The following STK39 variants were observed in gnomAD, a reference collection of about 807,000 sequenced individuals.
STK39 encodes the protein serine/threonine kinase 39.
STK39 carries 20 observed loss-of-function variants against 77.8 expected under a neutral mutation model. The observed-to-expected ratio is 0.26, with a 90% confidence interval of 0.18 to 0.37. STK39 has a LOEUF of 0.37. Ranked by LOEUF, STK39 falls within the 10% of genes least tolerant of loss-of-function variation. The pLI is 1.00. For synonymous variants in STK39, 246 were observed against 234.1 expected, an observed-to-expected ratio of 1.05 and a Z score of -0.47; for missense variants, 479 against 656.5, an observed-to-expected ratio of 0.73 and a Z score of 2.95.
chr2:167,965,956 GAAAA>G (rs1559036634), intron 16 of STK39, among the ~76,000 whole-genome samples: 1 of 152,070 alleles, frequency 6.6e-6, no homozygotes, highest in South Asian at 2.1e-4. Flanking sequence ...CTGCAGAGGA[GAAAA>G]AAGAAAAATT....
At chr2:168,183,320 A>T (rs1444355652) in intron 1 of STK39, among the ~76,000 whole-genome samples, 1 of 152,178 alleles carries the variant, frequency 6.6e-6, no homozygotes, top group African/African-American at 2.4e-5. Context: ...GTTCACTGGG[A>T]AAGAAAATCC....
chr2:168,140,252 A>G (rs775417301), intron 7 of STK39, 37 bp downstream of exon 7: 2 of 1,522,450 alleles, frequency 1.3e-6, no homozygotes, highest in Admixed American at 1.7e-5. Flanking sequence ...GTCCAATCAC[A>G]TTTCAACCCC....
At chr2:168,099,429 C>T (rs1007286423) in intron 10 of STK39, among the ~76,000 whole-genome samples, 1 of 152,110 alleles carries the variant, frequency 6.6e-6, no homozygotes, top group Non-Finnish European at 1.5e-5. Context: ...TTTATGGTCC[C>T]AAGAAGAGTC....
intron 1 of STK39, among the ~76,000 whole-genome samples, chr2:168,214,016 C>T (rs565631182): frequency 6.6e-6 from 1 of 152,184 alleles, no homozygotes; most frequent in South Asian, 2.1e-4. Flanking sequence ...TGGAAAAAGG[C>T]AGGCTCTGAA....
intron 5 of STK39, among the ~76,000 whole-genome samples, chr2:168,157,965 C>A (rs917372527): frequency 1.3e-5 from 2 of 152,072 alleles, no homozygotes; most frequent in African/African-American, 4.8e-5. Context: ...GCAGAAACCA[C>A]CTCAAAGTGA....
intron 12 of STK39, among the ~76,000 whole-genome samples, chr2:168,072,367 T>C (rs181393605): frequency 1.3e-3 from 203 of 152,294 alleles, no homozygotes; most frequent in African/African-American, 4.8e-3. Context: ...TCCTATGTTT[T>C]TCAAATCATT....
chr2:168,162,361 T>G (rs1292660822), intron 4 of STK39, among the ~76,000 whole-genome samples: 1 of 151,216 alleles, frequency 6.6e-6, no homozygotes, highest in African/African-American at 2.4e-5. Context: ...GGGGGAGAGT[T>G]AGGATTTTAG....
chr2:168,064,489 C>G (rs1685744313), intron 13 of STK39, among the ~76,000 whole-genome samples: 1 of 152,152 alleles, frequency 6.6e-6, no homozygotes, highest in Non-Finnish European at 1.5e-5. Flanking sequence ...TTTACTCCCT[C>G]TATATATAAG....
At chr2:167,975,898 C>T (rs191601873) in intron 16 of STK39, among the ~76,000 whole-genome samples, 5 of 152,180 alleles carry the variant, frequency 3.3e-5, no homozygotes, top group East Asian at 1.9e-4. Context: ...AAGGCCCCAT[C>T]GCCTCAAGGC....
chr2:168,007,380 C>G (rs1310691232), intron 16 of STK39, among the ~76,000 whole-genome samples: 4 of 152,142 alleles, frequency 2.6e-5, no homozygotes, highest in Admixed American at 2.6e-4. Flanking sequence ...TTGTTTATCT[C>G]TAACAAATGT....
intron 1 of STK39, among the ~76,000 whole-genome samples, chr2:168,233,660 G>A (rs190920848): frequency 2.2e-4 from 34 of 152,268 alleles, no homozygotes; most frequent in East Asian, 5.8e-4. Flanking sequence ...CAAATTCACC[G>A]TTTAAGTGAC....
chr2:168,217,437 G>T (rs1690053015), intron 1 of STK39, among the ~76,000 whole-genome samples: 1 of 152,052 alleles, frequency 6.6e-6, no homozygotes, highest in African/African-American at 2.4e-5. Context: ...ATATAGATCT[G>T]GAAAAATCAA....
At chr2:168,237,163 C>T (rs1241281642) in intron 1 of STK39, among the ~76,000 whole-genome samples, 1 of 152,172 alleles carries the variant, frequency 6.6e-6, no homozygotes, top group Non-Finnish European at 1.5e-5. Context: ...TCCTTCACAT[C>T]CCTTGTAAGC....
intron 10 of STK39, among the ~76,000 whole-genome samples, chr2:168,076,512 G>A (rs545095316): frequency 5.7e-4 from 86 of 152,176 alleles, no homozygotes; most frequent in African/African-American, 2.0e-3. Context: ...AGATCAATGC[G>A]AAGTCATAAA....
intron 1 of STK39, among the ~76,000 whole-genome samples, chr2:168,229,742 T>C (rs1244277962): frequency 2.0e-5 from 3 of 152,174 alleles, no homozygotes; most frequent in Admixed American, 6.5e-5. Context: ...CAAATACATA[T>C]GCATGCAAAC....
At chr2:168,096,560 G>A (rs924678321) in intron 10 of STK39, among the ~76,000 whole-genome samples, 3 of 152,144 alleles carry the variant, frequency 2.0e-5, no homozygotes, top group African/African-American at 7.2e-5. Context: ...AAAACTCTCA[G>A]GGAATGAATC....
intron 16 of STK39, among the ~76,000 whole-genome samples, chr2:167,973,794 A>G (rs1683185656): frequency 1.3e-5 from 2 of 152,186 alleles, no homozygotes; most frequent in Non-Finnish European, 2.9e-5. Flanking sequence ...ACAGTTATGG[A>G]AGGTCTGCAA....
intron 5 of STK39, among the ~76,000 whole-genome samples, chr2:168,147,334 C>T (rs1417497996): frequency 6.6e-6 from 1 of 152,212 alleles, no homozygotes; most frequent in African/African-American, 2.4e-5. Flanking sequence ...GGGCTGCCAG[C>T]ATCCGGCCTT....
intron 15 of STK39, 134 bp downstream of exon 15, chr2:168,016,908 CT>C: frequency 3.1e-6 from 2 of 653,706 alleles, no homozygotes; most frequent in South Asian, 5.3e-5. Context: ...AAAGTCCTTC[CT>C]TCTGTCTATC....
Sources: allele counts gnomAD v4.1 joint callset (sites outside exome capture counted in the v4.1 genomes callset), GRCh38; gene constraint gnomAD v4.1.1; transcripts MANE v1.5; gene names NCBI Gene and HGNC (gene_info 2026-07-23, HGNC 2026-07-21).